ARRB1: variants seen among roughly 807,000 people sequenced by gnomAD.
ARRB1 encodes the protein beta-arrestin-1.
A neutral mutation model predicts 56.8 loss-of-function variants in ARRB1; 21 were observed. The observed-to-expected ratio is 0.37, with a 90% CI of 0.26 to 0.53. ARRB1 has a LOEUF of 0.53. Ranked by LOEUF, ARRB1 falls within the 20% of genes least tolerant of loss-of-function variation. The pLI, the probability that ARRB1 is intolerant of heterozygous loss-of-function variation, is 0.88. For missense variants in ARRB1, 424 were observed against 553.7 expected (o/e 0.77, Z 2.35); for synonymous variants, 210 against 218.6 (o/e 0.96, Z 0.35).
rs1565122574 is a variant in ARRB1, at chr11:75,294,594, TAAATAAATAAATA to T, written c.21-4568_21-4556del. Among the ~76,000 whole-genome samples, 15 of 83,392 alleles carry T rather than the reference TAAATAAATAAATA, an allele frequency of 1.8e-4. 1 individual carries two copies. The East Asian group carries it at 2.0e-3, about 11-fold the overall frequency. 54.7% of individuals were successfully genotyped at this position (83,392 alleles called of 152,430 possible). On this transcript the variant is annotated intron_variant, in intron 1 of 15. Coordinates refer to ENST00000420843, the MANE Select transcript of ARRB1 (RefSeq NM_004041.5). The stretch of plus-strand genomic sequence containing the variant: ...ATAAATAAATAAATAAATAAATAAA[TAAATAAATAAATA>T]ACTTAAAATATTTTTTTAATGAAAT...
chr11:75,276,700 A>C (rs761448735), intron 10 of ARRB1, 139 bp downstream of exon 10: 2 of 731,988 alleles, frequency 2.7e-6, no homozygotes, highest in Non-Finnish European at 4.6e-6. Context: ...GGGATCATCT[A>C]CTCTGAGTGG....
In ARRB1 at chr11:75,282,030, A is replaced by AAG. The variant is rs1204838890; in HGVS notation, c.355-11_355-10dup. 6.2e-7 allele frequency: 1 copy of AAG among 1,613,970 alleles called. No homozygotes were observed. The highest frequency in any genetic ancestry group is 1.7e-5 in the Admixed American group (1 of 60,010). On this transcript the variant is annotated splice_polypyrimidine_tract_variant and intron_variant, in intron 5 of 15. Coordinates refer to ENST00000420843, the MANE Select transcript of ARRB1 (RefSeq NM_004041.5). ...GGAAGGTTTGGAGGGATCTGTCAAG[A>AAG]AGAGGACAGAACGAGCCACCTGTCA...
At chr11:75,311,536 T>C (rs907985086) in intron 1 of ARRB1, among the ~76,000 whole-genome samples, 5 of 152,208 alleles carry the variant, frequency 3.3e-5, no homozygotes, top group Non-Finnish European at 7.3e-5. Context: ...AGGCTATGCA[T>C]GGAATGCACA....
chr11:75,314,359 C>T (rs1024190526), intron 1 of ARRB1, among the ~76,000 whole-genome samples: 4 of 151,862 alleles, frequency 2.6e-5, no homozygotes, highest in Non-Finnish European at 4.4e-5. Context: ...CATGGTGGCA[C>T]AGCTCCCAGG....
chr11:75,303,614 GCCCCGGTGTCGGTGTTGTTTCC>G (rs1361948507), intron 1 of ARRB1: 2 of 456,240 alleles, frequency 4.4e-6, no homozygotes, highest in East Asian at 6.9e-5. Flanking sequence ...GAAGGTACAG[GCCCCGGTGTCGGTGTTGTTTCC>G]CCAGAGCACC....
intron 4 of ARRB1, 92 bp downstream of exon 4, chr11:75,284,143 C>A: frequency 7.6e-7 from 1 of 1,318,098 alleles, no homozygotes; most frequent in South Asian, 1.5e-5. Context: ...TTCAGGGGAA[C>A]CAGTGGGGAT....
Position 75,273,011 on chromosome 11 carries a change from G to T in ARRB1, c.915-33C>A, listed in dbSNP as rs548588123. 1.2e-5 allele frequency: 20 copies of T among 1,604,730 alleles called. No homozygotes were observed. The South Asian group carries it at 2.1e-4, about 17-fold the overall frequency. On this transcript the variant is annotated intron_variant, in intron 11 of 15. Transcript: ENST00000420843. Reference sequence around the variant, plus strand: ...GTGACACAGGGGAGCCAGTTCAGGGGCCTTGCCAGGTGGGCGAGACACCTC... The same window carrying T: ...GTGACACAGGGGAGCCAGTTCAGGGTCCTTGCCAGGTGGGCGAGACACCTC...
At chr11:75,335,857 G>A (rs1457244334) in intron 1 of ARRB1, among the ~76,000 whole-genome samples, 3 of 152,178 alleles carry the variant, frequency 2.0e-5, no homozygotes, top group Non-Finnish European at 2.9e-5. Flanking sequence ...TGGCCCACAC[G>A]ACAGTCCTGG....
At chr11:75,305,095 A>G (rs868554468) in intron 1 of ARRB1, among the ~76,000 whole-genome samples, 3 of 136,028 alleles carry the variant, frequency 2.2e-5, no homozygotes, top group Middle Eastern at 4.9e-3. Flanking sequence ...CAGTGACATG[A>G]TCTCGGCTCA....
chr11:75,337,017 T>C (rs139816151), intron 1 of ARRB1, among the ~76,000 whole-genome samples: 139 of 152,366 alleles, frequency 9.1e-4, no homozygotes, highest in African/African-American at 3.3e-3. Flanking sequence ...ATTTAATTCA[T>C]TTTGTAGCTC....
chr11:75,332,954 G>A (rs1475145611), intron 1 of ARRB1, among the ~76,000 whole-genome samples: 1 of 151,946 alleles, frequency 6.6e-6, no homozygotes, highest in Admixed American at 6.6e-5. Context: ...ACCGCTTTGA[G>A]TTGTCCCACC....
intron 1 of ARRB1, among the ~76,000 whole-genome samples, chr11:75,351,349 G>A (rs1205698470): frequency 6.6e-6 from 1 of 152,214 alleles, no homozygotes. Flanking sequence ...GTGTCAGCGA[G>A]CTGTGTGTCC....
intron 3 of ARRB1, among the ~76,000 whole-genome samples, chr11:75,286,142 G>A (rs899490096): frequency 5.9e-5 from 9 of 151,988 alleles, no homozygotes; most frequent in African/African-American, 9.7e-5. Context: ...GCCTGCAGCC[G>A]GGCTCGCTTC....
chr11:75,290,665 C>T lies in ARRB1; in HGVS notation c.21-626G>A, dbSNP rs143898884. Among the ~76,000 whole-genome samples, 649 of 152,328 alleles carry T rather than the reference C, an allele frequency of 4.3e-3. 4 individuals carry two copies. Among genetic ancestry groups the T allele is most frequent in the African/African-American group, 0.015 (626 of 41,562 alleles). ...CGTGATCTCAGCTCACTGCTTCAAT[C>T]TCTGCCTCCTGGGCTCAAACGATCC... On this transcript the variant is annotated intron_variant, in intron 1 of 15. Coordinates refer to ENST00000420843, the MANE Select transcript of ARRB1 (RefSeq NM_004041.5).
At chr11:75,296,185 C>CAAAAAAAAAAAAAAAAAAAAA (rs11428462) in intron 1 of ARRB1, among the ~76,000 whole-genome samples, 1 of 84,886 alleles carries the variant, frequency 1.2e-5, no homozygotes, top group Non-Finnish European at 2.2e-5. Flanking sequence ...GACTTTGTCT[C>CAAAAAAAAAAAAAAAAAAAAA]AAAAAAAAAA....
chr11:75,308,361 C>T (rs1301689460), intron 1 of ARRB1, among the ~76,000 whole-genome samples: 1 of 152,210 alleles, frequency 6.6e-6, no homozygotes, highest in African/African-American at 2.4e-5. Context: ...CAAGCGAGCC[C>T]AGAGACAGCA....
chr11:75,307,484 C>T (rs1947057970), intron 1 of ARRB1, among the ~76,000 whole-genome samples: 1 of 152,122 alleles, frequency 6.6e-6, no homozygotes, highest in Non-Finnish European at 1.5e-5. Context: ...AGGACTGTGT[C>T]CCCTCTGTTA....
intron 1 of ARRB1, among the ~76,000 whole-genome samples, chr11:75,297,160 T>C (rs574660789): frequency 9.2e-5 from 14 of 152,240 alleles, no homozygotes; most frequent in African/African-American, 3.1e-4. Flanking sequence ...CCCTAATTGA[T>C]TCAATGTAAT....
chr11:75,350,612 C>T (rs1947833858), intron 1 of ARRB1, among the ~76,000 whole-genome samples: 1 of 152,216 alleles, frequency 6.6e-6, no homozygotes, highest in African/African-American at 2.4e-5. Context: ...CTTTCAGAGG[C>T]AGAGACTGTT....
Sources: allele counts gnomAD v4.1 joint callset (sites outside exome capture counted in the v4.1 genomes callset), GRCh38; gene constraint gnomAD v4.1.1; transcripts MANE v1.5; gene names NCBI Gene and HGNC (gene_info 2026-07-23, HGNC 2026-07-21).